The following SDK1 variants were observed in gnomAD, a reference collection of about 807,000 sequenced individuals.
SDK1 encodes the protein protein sidekick-1.
In SDK1, 157 loss-of-function variants were observed where a neutral mutation model predicts 245.5. The observed-to-expected ratio is 0.64, with a 90% CI of 0.56 to 0.73. The LOEUF (loss-of-function observed/expected upper bound fraction) is 0.73. Among genes scored for constraint, SDK1 ranks in the 30% least tolerant of loss-of-function variants. The probability of loss-of-function intolerance (pLI) is 0.00; values close to 1 mark genes in which losing one functional copy is unlikely to be tolerated. For missense variants in SDK1, 3,583 were observed against 3,002.3 expected (o/e 1.19, Z -4.52); for synonymous variants, 1,647 against 1,278.5 (o/e 1.29, Z -6.15).
In SDK1 at chr7:3,578,364, G is replaced by C. The variant is rs10238142; in HGVS notation, c.299-40716G>C. On this transcript the variant is annotated intron_variant, in intron 1 of 44. Coordinates refer to ENST00000404826, the MANE Select transcript of SDK1 (RefSeq NM_152744.4). ...GGGCAAAAAGGAGAACTAAGATCAC[G>C]TGCTTCTGCGGAAACAGGACAAGGC... 1.8e-4 allele frequency among the ~76,000 whole-genome samples: 27 copies of C among 151,886 alleles called. No individual in the cohort carries two copies. In the East Asian group the frequency reaches 5.2e-3, roughly 29 times the overall value.
intron 26 of SDK1, among the ~76,000 whole-genome samples, chr7:4,128,749 G>A (rs112609381): frequency 6.9e-6 from 1 of 144,242 alleles, no homozygotes; most frequent in African/African-American, 2.6e-5. Context: ...AGCAGCTTGG[G>A]GTGGGGTCCC....
intron 22 of SDK1, among the ~76,000 whole-genome samples, chr7:4,097,584 C>A (rs756514399): frequency 3.3e-5 from 5 of 152,202 alleles, no homozygotes; most frequent in Non-Finnish European, 7.3e-5. Flanking sequence ...TCACTGTCCA[C>A]CTGGCCACCT....
intron 5 of SDK1, among the ~76,000 whole-genome samples, chr7:3,896,526 T>C (rs909224215): frequency 2.1e-4 from 32 of 152,236 alleles, no homozygotes; most frequent in African/African-American, 7.5e-4. Context: ...TTTAGCCTCC[T>C]GGGCCTCCGC....
chr7:3,751,373 G>C (rs932967498), intron 4 of SDK1, among the ~76,000 whole-genome samples: 1 of 139,742 alleles, frequency 7.2e-6, no homozygotes, highest in East Asian at 2.2e-4. Flanking sequence ...CTGCTGCGTC[G>C]CCCTCTCCAA....
chr7:3,660,769 T>G (rs1026288029), intron 4 of SDK1, among the ~76,000 whole-genome samples: 10 of 152,380 alleles, frequency 6.6e-5, no homozygotes, highest in African/African-American at 2.4e-4. Flanking sequence ...GGAACTGCAC[T>G]GTTTTACCTT....
At chr7:4,178,960 C>T (rs970098613) in intron 35 of SDK1, among the ~76,000 whole-genome samples, 6 of 152,220 alleles carry the variant, frequency 3.9e-5, no homozygotes, top group Admixed American at 3.9e-4. Flanking sequence ...ATGGGTCCTT[C>T]AGTGGGCTTC....
chr7:3,589,763 C>T (rs1451594663), intron 1 of SDK1, among the ~76,000 whole-genome samples: 2 of 152,208 alleles, frequency 1.3e-5, no homozygotes, highest in Admixed American at 1.3e-4. Flanking sequence ...TTGCCTCCCA[C>T]TGGGTCCCTC....
chr7:3,697,951 G>C (rs796619928), intron 4 of SDK1, among the ~76,000 whole-genome samples: 10 of 152,286 alleles, frequency 6.6e-5, no homozygotes, highest in African/African-American at 2.4e-4. Context: ...GAACAGTGGA[G>C]AGAAGAAGGC....
intron 4 of SDK1, among the ~76,000 whole-genome samples, chr7:3,698,949 C>G (rs185379150): frequency 6.6e-6 from 1 of 152,274 alleles, no homozygotes; most frequent in Non-Finnish European, 1.5e-5. Context: ...TAACCTCCTA[C>G]CCAGGAGAGA....
chr7:4,228,057 A>C (rs911768838), intron 40 of SDK1, among the ~76,000 whole-genome samples: 3 of 152,250 alleles, frequency 2.0e-5, no homozygotes, highest in African/African-American at 7.2e-5. Context: ...GTAAAAAATG[A>C]AGATGCATAG....
At chr7:3,313,243 C>G (rs1228312920) in intron 1 of SDK1, among the ~76,000 whole-genome samples, 2 of 152,138 alleles carry the variant, frequency 1.3e-5, no homozygotes, top group Admixed American at 6.5e-5. Flanking sequence ...GCCATCTTTA[C>G]TAAAAATACA....
intron 1 of SDK1, among the ~76,000 whole-genome samples, chr7:3,359,304 G>A (rs564535205): frequency 2.0e-5 from 3 of 152,224 alleles, no homozygotes; most frequent in African/African-American, 7.2e-5. Context: ...GAGGAATCTG[G>A]GTCCTGGAAT....
chr7:3,878,606 T>C (rs1301883266), intron 5 of SDK1, among the ~76,000 whole-genome samples: 2 of 152,344 alleles, frequency 1.3e-5, no homozygotes, highest in Middle Eastern at 3.4e-3. Context: ...ATTAACACTG[T>C]ATTTATCGGA....
chr7:3,350,182 G>A (rs1174551732), intron 1 of SDK1, among the ~76,000 whole-genome samples: 1 of 152,140 alleles, frequency 6.6e-6, no homozygotes, highest in Non-Finnish European at 1.5e-5. Flanking sequence ...GGAGAGAGTG[G>A]GAGACACTCA....
intron 1 of SDK1, among the ~76,000 whole-genome samples, chr7:3,618,071 C>T (rs1264037000): frequency 3.3e-5 from 5 of 152,056 alleles, no homozygotes. Flanking sequence ...GATAAAGAAA[C>T]AAAAACCTGT....
At chr7:4,011,574 A>G (rs1785969398) in intron 15 of SDK1, among the ~76,000 whole-genome samples, 1 of 152,196 alleles carries the variant, frequency 6.6e-6, no homozygotes, top group African/African-American at 2.4e-5. Flanking sequence ...TGCGAGGGCC[A>G]CCTCTGAAAA....
chr7:3,869,313 G>A (rs1449034852), intron 5 of SDK1, among the ~76,000 whole-genome samples: 2 of 151,938 alleles, frequency 1.3e-5, no homozygotes. Context: ...CCATCACCAG[G>A]CCCAGCTAAT....
At chr7:3,347,406 C>T (rs1331037677) in intron 1 of SDK1, among the ~76,000 whole-genome samples, 3 of 152,046 alleles carry the variant, frequency 2.0e-5, no homozygotes, top group Non-Finnish European at 4.4e-5. Context: ...AGCTGTTGGT[C>T]TTACTATGCC....
intron 17 of SDK1, among the ~76,000 whole-genome samples, chr7:4,021,462 G>C (rs1480229002): frequency 6.6e-6 from 1 of 152,206 alleles, no homozygotes; most frequent in African/African-American, 2.4e-5. Flanking sequence ...AAACAAGATA[G>C]AGCTGTGTTT....
Sources: allele counts gnomAD v4.1 joint callset (sites outside exome capture counted in the v4.1 genomes callset), GRCh38; gene constraint gnomAD v4.1.1; transcripts MANE v1.5; gene names NCBI Gene and HGNC (gene_info 2026-07-23, HGNC 2026-07-21).